Variants in CCSER1 observed in about 807,000 individuals in gnomAD.
The protein encoded by CCSER1 is coiled-coil serine rich protein 1, also known as serine-rich coiled-coil domain-containing protein 1.
A neutral mutation model predicts 82.0 loss-of-function variants in CCSER1; 41 were observed. The observed-to-expected ratio is 0.50, with a 90% CI of 0.39 to 0.65. The LOEUF (loss-of-function observed/expected upper bound fraction) is 0.65. Ranked by LOEUF, CCSER1 falls within the 30% of genes least tolerant of loss-of-function variation. The probability of loss-of-function intolerance (pLI) is 0.00; values close to 1 mark genes in which losing one functional copy is unlikely to be tolerated. For synonymous variants in CCSER1, 414 were observed against 383.9 expected, an observed-to-expected ratio of 1.08 and a Z score of -0.92; for missense variants, 1,119 against 1,064.2, an observed-to-expected ratio of 1.05 and a Z score of -0.72.
At chr4:90,488,957 A>G (rs1270347935) in intron 5 of CCSER1, among the ~76,000 whole-genome samples, 1 of 152,178 alleles carries the variant, frequency 6.6e-6, no homozygotes, top group Non-Finnish European at 1.5e-5. Flanking sequence ...TCACTAGTGA[A>G]TATTTTATTG....
chr4:91,105,875 G>A (rs4235035), intron 10 of CCSER1, among the ~76,000 whole-genome samples: 99,524 of 151,838 alleles, frequency 0.66, 33,030 homozygotes, highest in East Asian at 0.95. Context: ...ACCTACTTAC[G>A]GTTTTTGTTT....
At chr4:90,884,388 A>G (rs1244524262) in intron 8 of CCSER1, among the ~76,000 whole-genome samples, 1 of 152,196 alleles carries the variant, frequency 6.6e-6, no homozygotes, top group African/African-American at 2.4e-5. Context: ...ATATACACAC[A>G]CGCACATACA....
At chr4:90,180,138 AT>A (rs1560752472) in intron 1 of CCSER1, among the ~76,000 whole-genome samples, 37 of 148,850 alleles carry the variant, frequency 2.5e-4, no homozygotes, top group African/African-American at 8.9e-4. Context: ...ATATATATAT[AT>A]ATAAATTATA....
intron 10 of CCSER1, among the ~76,000 whole-genome samples, chr4:91,254,917 C>T (rs993511905): frequency 3.9e-5 from 6 of 151,948 alleles, no homozygotes; most frequent in Non-Finnish European, 5.9e-5. Context: ...CAATATTTTC[C>T]TTCTTTCCCT....
intron 7 of CCSER1, among the ~76,000 whole-genome samples, chr4:90,773,960 A>C (rs1181486568): frequency 6.6e-6 from 1 of 152,176 alleles, no homozygotes; most frequent in Non-Finnish European, 1.5e-5. Flanking sequence ...TTGATCAATG[A>C]AATGAGAATT....
intron 4 of CCSER1, among the ~76,000 whole-genome samples, chr4:90,408,760 C>T (rs1754169315): frequency 6.6e-6 from 1 of 152,204 alleles, no homozygotes; most frequent in African/African-American, 2.4e-5. Context: ...TCCTCACCAG[C>T]AACGGAACAA....
At chr4:91,511,840 G>T (rs986501024) in intron 10 of CCSER1, among the ~76,000 whole-genome samples, 1 of 152,018 alleles carries the variant, frequency 6.6e-6, no homozygotes, top group Admixed American at 6.6e-5. Flanking sequence ...ATTATATATT[G>T]CAAAGTAATA....
intron 10 of CCSER1, among the ~76,000 whole-genome samples, chr4:91,402,220 C>T (rs1030303680): frequency 1.3e-5 from 2 of 152,126 alleles, no homozygotes; most frequent in Admixed American, 1.3e-4. Context: ...TGTTCATATC[C>T]TTTGCCCAGT....
At chr4:90,762,668 C>G (rs758881653) in intron 7 of CCSER1, among the ~76,000 whole-genome samples, 1 of 152,118 alleles carries the variant, frequency 6.6e-6, no homozygotes, top group Non-Finnish European at 1.5e-5. Flanking sequence ...AGCCCCAAAT[C>G]CTTTTTGTTA....
At chr4:90,591,560 A>G (rs1402762901) in intron 5 of CCSER1, among the ~76,000 whole-genome samples, 4 of 152,218 alleles carry the variant, frequency 2.6e-5, no homozygotes, top group African/African-American at 9.6e-5. Flanking sequence ...CTGTGGAGAA[A>G]TAGAAGCACT....
chr4:91,405,536 G>C (rs1752643323), intron 10 of CCSER1, among the ~76,000 whole-genome samples: 2 of 152,188 alleles, frequency 1.3e-5, no homozygotes. Context: ...TACAGAATGG[G>C]AGAAAATTTT....
chr4:90,351,946 A>C (rs1346930068), intron 3 of CCSER1, among the ~76,000 whole-genome samples: 2 of 152,190 alleles, frequency 1.3e-5, no homozygotes, highest in African/African-American at 4.8e-5. Flanking sequence ...AAAACTCTAT[A>C]ATTGTTTCCA....
chr4:90,548,508 G>A (rs928355462), intron 5 of CCSER1, among the ~76,000 whole-genome samples: 1 of 152,000 alleles, frequency 6.6e-6, no homozygotes, highest in East Asian at 1.9e-4. Context: ...TCATGACTCC[G>A]AGGGTGGCTA....
chr4:90,418,446 A>G (rs1756143653), intron 4 of CCSER1, among the ~76,000 whole-genome samples: 1 of 152,020 alleles, frequency 6.6e-6, no homozygotes, highest in African/African-American at 2.4e-5. Flanking sequence ...TTTATTTCTA[A>G]GCTTATAAAA....
intron 7 of CCSER1, among the ~76,000 whole-genome samples, chr4:90,730,696 T>A (rs1343548281): frequency 6.6e-6 from 1 of 152,166 alleles, no homozygotes; most frequent in African/African-American, 2.4e-5. Flanking sequence ...AAGACCACTT[T>A]GATTATGGAA....
In CCSER1 at chr4:91,068,080, T is replaced by C. The variant is rs554051494; in HGVS notation, c.2173-17870T>C. On this transcript the variant is annotated intron_variant, in intron 9 of 10. Coordinates refer to ENST00000509176, the MANE Select transcript of CCSER1 (RefSeq NM_001145065.2). ...ATGAAAATCTAATGAGAGCCAATTATATATTTAAAGCATCACCTGACTTTT... is the reference window on the plus strand; with the variant it reads ...ATGAAAATCTAATGAGAGCCAATTACATATTTAAAGCATCACCTGACTTTT... 5.7e-4 allele frequency among the ~76,000 whole-genome samples: 87 copies of C among 152,338 alleles called. 1 individual carries two copies. In the South Asian group the frequency reaches 0.017, roughly 29 times the overall value.
intron 10 of CCSER1, among the ~76,000 whole-genome samples, chr4:91,476,389 G>A (rs1405578561): frequency 6.6e-6 from 1 of 151,538 alleles, no homozygotes; most frequent in Non-Finnish European, 1.5e-5. Context: ...TATGATTAGT[G>A]ATGTTGAGCA....
At chr4:91,452,034 T>C (rs1055254363) in intron 10 of CCSER1, among the ~76,000 whole-genome samples, 1 of 152,006 alleles carries the variant, frequency 6.6e-6, no homozygotes, top group African/African-American at 2.4e-5. Context: ...ATGCTCTATA[T>C]ACACTATGAT....
chr4:90,946,044 T>C (rs1188573268), intron 9 of CCSER1, among the ~76,000 whole-genome samples: 2 of 152,150 alleles, frequency 1.3e-5, no homozygotes, highest in Non-Finnish European at 2.9e-5. Flanking sequence ...ATACATCACA[T>C]TGGTATGCCA....
Sources: gnomAD v4.1 joint callset for allele counts (sites outside exome capture counted in the v4.1 genomes callset) on GRCh38, gnomAD v4.1.1 for gene constraint, MANE v1.5 for transcripts, NCBI Gene and HGNC (gene_info 2026-07-23, HGNC 2026-07-21) for gene names.